The following CCZ1B variants were observed in gnomAD, a reference collection of about 807,000 sequenced individuals.
The protein encoded by CCZ1B is CCZ1B vacuolar protein trafficking and biogenesis associated.
Under a neutral mutation model 58.8 loss-of-function variants are expected in CCZ1B, and 25 were observed. The ratio of observed to expected loss-of-function variants is 0.43; its 90% CI spans 0.31 to 0.59. The LOEUF (loss-of-function observed/expected upper bound fraction) is 0.59. Among genes scored for constraint, CCZ1B ranks in the 20% least tolerant of loss-of-function variants. The probability of loss-of-function intolerance (pLI) is 0.12; values close to 1 mark genes in which losing one functional copy is unlikely to be tolerated. For synonymous variants in CCZ1B, 66 were observed against 173.2 expected (o/e 0.38, Z 4.86); for missense variants, 180 against 501.5 (o/e 0.36, Z 6.12).
Position 6,823,224 on chromosome 7 carries a change from C to A in CCZ1B, c.438+89G>T. 1.7e-5 allele frequency: 27 copies of A among 1,543,790 alleles called. 1 individual carries two copies. The South Asian group carries it at 3.2e-4, about 18-fold the overall frequency. ...GACAAATACAGAGTCACTTTGCAGT[C>A]ATTTATAGACTTCTCTTTAAACAAC... On this transcript the variant is annotated intron_variant, in intron 5 of 14. Transcript: ENST00000316731.
At chr7:6,821,231 C>T (rs146879284) in intron 6 of CCZ1B, among the ~76,000 whole-genome samples, 2,637 of 149,626 alleles carry the variant, frequency 0.018, 18 homozygotes, top group African/African-American at 0.061. Context: ...AGGCTGGTCT[C>T]GAACTCATGA....
In CCZ1B at chr7:6,812,788, T is replaced by C. The variant is rs1317926616; in HGVS notation, c.842+188A>G. ...AAATACAAAATGAATTAGCCAGGCA[T>C]AGTGGCTCATGCCTGTAGTTCCAGC... is the stretch of plus-strand genomic sequence containing the variant. On this transcript the variant is annotated intron_variant, in intron 9 of 14. Coordinates refer to ENST00000316731, the MANE Select transcript of CCZ1B (RefSeq NM_198097.5). Among the ~76,000 whole-genome samples the C allele has an allele frequency of 3.4e-5, 5 of 149,046 alleles. No homozygotes were observed. In the South Asian group the frequency reaches 1.1e-3, roughly 32 times the overall value.
chr7:6,812,935 A>C, intron 9 of CCZ1B, 41 bp downstream of exon 9: 1 of 1,498,892 alleles, frequency 6.7e-7, no homozygotes, highest in Non-Finnish European at 9.0e-7. Context: ...TCAAAAAAGA[A>C]AGAAAACCCA....
chr7:6,818,349 G>A (rs1783039791), intron 7 of CCZ1B, among the ~76,000 whole-genome samples: 1 of 149,428 alleles, frequency 6.7e-6, no homozygotes, highest in Non-Finnish European at 1.5e-5. Flanking sequence ...AGGAGTTTAG[G>A]ACCAGCCTGG....
chr7:6,824,361 C>T (rs1479134170), intron 3 of CCZ1B, 94 bp downstream of exon 3: 15 of 1,364,026 alleles, frequency 1.1e-5, no homozygotes, highest in Non-Finnish European at 1.5e-5. Context: ...TACTTGGATG[C>T]AACAGCCAGA....
At chr7:6,818,667 CAGA>C (rs1783054613) in intron 7 of CCZ1B, among the ~76,000 whole-genome samples, 30 of 73,872 alleles carry the variant, frequency 4.1e-4, no homozygotes, top group Middle Eastern at 0.013. Flanking sequence ...GAAAGACAGA[CAGA>C]AAGAAAGAAA....
chr7:6,822,898 G>T (rs2952937), intron 5 of CCZ1B, among the ~76,000 whole-genome samples: 3 of 146,258 alleles, frequency 2.1e-5, no homozygotes, highest in Admixed American at 1.4e-4. Context: ...TAGAGATGGG[G>T]TCTTGCTATA....
At chr7:6,810,121 C>T (rs1782896799) in intron 10 of CCZ1B, among the ~76,000 whole-genome samples, 1 of 150,336 alleles carries the variant, frequency 6.7e-6, no homozygotes, top group Admixed American at 6.6e-5. Flanking sequence ...AAGTGATTCT[C>T]CTGCCTCAGC....
intron 7 of CCZ1B, among the ~76,000 whole-genome samples, chr7:6,815,947 G>T (rs531061738): frequency 6.9e-6 from 1 of 145,796 alleles, no homozygotes; most frequent in Non-Finnish European, 1.5e-5. Flanking sequence ...GACAGGGAAC[G>T]TGATCCTAGG....
intron 5 of CCZ1B, 136 bp from the exon 6 acceptor site, chr7:6,822,500 A>G (rs1783128179): frequency 7.2e-7 from 1 of 1,380,858 alleles, no homozygotes; most frequent in Non-Finnish European, 9.6e-7. Context: ...GAGAATATTT[A>G]CGTGAGAAAA....
Position 6,814,511 on chromosome 7 carries a change from A to C in CCZ1B, c.780+253T>G, listed in dbSNP as rs113037857. On this transcript the variant is annotated intron_variant, in intron 8 of 14. Transcript: ENST00000316731. The stretch of plus-strand genomic sequence containing the variant: ...ACTCCGTCTCAAAAACCAAACAAAC[A>C]AAAACACACACAAAAAAACCAACAC... 241 of 365,872 alleles carry C rather than the reference A, an allele frequency of 6.6e-4. 14 individuals carry two copies. The highest frequency in any genetic ancestry group is 4.9e-3 in the African/African-American group (222 of 45,254). The allele number at this position is 365,872 out of a possible 1,614,324, so 22.7% of individuals were successfully genotyped here.
chr7:6,818,553 A>AAGAAAGAC (rs1562431163), intron 7 of CCZ1B, among the ~76,000 whole-genome samples: 1 of 108,164 alleles, frequency 9.2e-6, no homozygotes, highest in African/African-American at 3.0e-5. Context: ...GTTAGAAAGA[A>AAGAAAGAC]AGAAAGAAAG....
rs547759668 is a variant in CCZ1B at position 6,819,835 on chromosome 7, A to G, written c.629T>C (p.Ile210Thr). The G allele has an allele frequency of 1.1e-4, 167 of 1,571,066 alleles. 8 individuals are homozygous for G. The South Asian group carries it at 1.8e-3, about 17-fold the overall frequency. ...KMTYLKIQSF[I>T]NRMEESLNIV... ...ATTCAGGCTTTCCTCCATTCTATTAATAAAGGACTGGATTTTCAAATAAGT... is the reference window on the plus strand; with the variant it reads ...ATTCAGGCTTTCCTCCATTCTATTAGTAAAGGACTGGATTTTCAAATAAGT... The change falls in exon 7 of 15, where the codon ATT becomes ACT. Residue 210 changes from isoleucine (I) to threonine (T), a missense_variant. Transcript: ENST00000316731.
Position 6,814,963 on chromosome 7 carries a change from A to G in CCZ1B, c.699-118T>C, listed in dbSNP as rs1036236982. Reference sequence around the variant, plus strand: ...TTCAAGTCATTTTTAGTAACACAGAATAAATTCTAACTTTTTAAAGTTTAA... The same window carrying G: ...TTCAAGTCATTTTTAGTAACACAGAGTAAATTCTAACTTTTTAAAGTTTAA... On this transcript the variant is annotated intron_variant, in intron 7 of 14. Coordinates refer to ENST00000316731, the MANE Select transcript of CCZ1B (RefSeq NM_198097.5). The G allele has an allele frequency of 4.0e-5, 26 of 647,234 alleles. 2 individuals are homozygous for G. Among genetic ancestry groups the G allele is most frequent in the Non-Finnish European group, 6.5e-5 (26 of 398,354 alleles). 40.1% of individuals were successfully genotyped at this position (647,234 alleles called of 1,614,324 possible). A position where few individuals can be genotyped will look rare whatever the true frequency, so the allele number is the denominator to read the frequency against.
At chr7:6,818,874 T>C (rs1477454648) in intron 7 of CCZ1B, among the ~76,000 whole-genome samples, 3 of 148,728 alleles carry the variant, frequency 2.0e-5, no homozygotes. Flanking sequence ...TCATATATGC[T>C]GGGCAGTCTT....
intron 10 of CCZ1B, among the ~76,000 whole-genome samples, chr7:6,808,374 A>T (rs1782864154): frequency 9.2e-6 from 1 of 108,190 alleles, no homozygotes; most frequent in Non-Finnish European, 1.9e-5. Context: ...CATCTCAAAA[A>T]CCAAAAAACC....
chr7:6,815,367 T>C (rs1434049221), intron 7 of CCZ1B, among the ~76,000 whole-genome samples: 3 of 149,416 alleles, frequency 2.0e-5, no homozygotes, highest in Admixed American at 6.7e-5. Context: ...TCTTGCTACG[T>C]TGCCAGGCTG....
At chr7:6,815,817 C>T (rs1374348943) in intron 7 of CCZ1B, among the ~76,000 whole-genome samples, 2 of 148,296 alleles carry the variant, frequency 1.3e-5, no homozygotes, top group African/African-American at 2.6e-5. Context: ...TAGGATTATG[C>T]AGGAAACCTC....
rs774137489 is a variant in CCZ1B at position 6,822,281 on chromosome 7, C to G, written c.522G>C (p.Arg174=). The G allele has an allele frequency of 9.5e-6, 15 of 1,581,180 alleles. No homozygotes were observed. The highest frequency in any genetic ancestry group is 1.3e-5 in the Non-Finnish European group (15 of 1,169,534). Residue 174 remains arginine (R), a splice_region_variant and synonymous_variant, in exon 6 of 15, where the codon CGG becomes CGC. Coordinates refer to ENST00000316731, the MANE Select transcript of CCZ1B (RefSeq NM_198097.5). The part of the protein sequence containing the change: ...LKERLEKFFH[R]YLQTLHLQSC... ...TATAAATGAAATTCAAAATACTTAC[C>G]CGATGGAAGAATTTCTCTAATCTTT... is the stretch of plus-strand genomic sequence containing the variant.
Sources: gnomAD v4.1 joint callset for allele counts (sites outside exome capture counted in the v4.1 genomes callset) on GRCh38, gnomAD v4.1.1 for gene constraint, MANE v1.5 for transcripts, NCBI Gene and HGNC (gene_info 2026-07-23, HGNC 2026-07-21) for gene names.